FBXL17: variants seen among roughly 807,000 people sequenced by gnomAD.
The protein encoded by FBXL17 is F-box/LRR-repeat protein 17.
In FBXL17, 22 loss-of-function variants were observed where a neutral mutation model predicts 66.2. That is an observed-to-expected ratio of 0.33 (90% CI 0.24 to 0.47). FBXL17 has a LOEUF of 0.47. Ranked by LOEUF, FBXL17 falls within the 20% of genes least tolerant of loss-of-function variation. The pLI, the probability that FBXL17 is intolerant of heterozygous loss-of-function variation, is 1.00. For missense variants in FBXL17, 878 were observed against 948.2 expected (o/e 0.93, Z 0.97); for synonymous variants, 474 against 400.5 (o/e 1.18, Z -2.19).
intron 5 of FBXL17, among the ~76,000 whole-genome samples, chr5:108,212,595 G>T (rs1180839259): frequency 6.6e-6 from 1 of 152,176 alleles, no homozygotes; most frequent in African/African-American, 2.4e-5. Flanking sequence ...GCTGGAGTCT[G>T]CTGGTGGTCC....
intron 4 of FBXL17, among the ~76,000 whole-genome samples, chr5:108,294,292 A>AATATATATAT (rs1314202083): frequency 2.7e-5 from 4 of 145,866 alleles, no homozygotes; most frequent in African/African-American, 1.0e-4. Context: ...GAAAAAAAAA[A>AATATATATAT]ATATATATAT....
At chr5:107,953,261 G>A (rs963828892) in intron 7 of FBXL17, among the ~76,000 whole-genome samples, 4 of 151,902 alleles carry the variant, frequency 2.6e-5, no homozygotes, top group African/African-American at 4.8e-5. Flanking sequence ...AAAATTAGCC[G>A]GGCGTGCTGG....
At chr5:108,025,715 A>G (rs1395391898) in intron 6 of FBXL17, among the ~76,000 whole-genome samples, 67 of 119,524 alleles carry the variant, frequency 5.6e-4, no homozygotes, top group Middle Eastern at 4.2e-3. Context: ...ACACACACAC[A>G]CACGCGCGCG....
intron 5 of FBXL17, among the ~76,000 whole-genome samples, chr5:108,199,007 C>T (rs928632975): frequency 6.6e-6 from 1 of 151,986 alleles, no homozygotes; most frequent in African/African-American, 2.4e-5. Flanking sequence ...CTTTCTGAAA[C>T]AAAGAAATGT....
chr5:108,126,642 T>C (rs1471965426), intron 6 of FBXL17, among the ~76,000 whole-genome samples: 1 of 74,624 alleles, frequency 1.3e-5, no homozygotes, highest in Non-Finnish European at 2.7e-5. Context: ...TCTCTCTCTC[T>C]CTCTCTCTCT....
chr5:108,372,852 G>A lies in FBXL17; in HGVS notation c.994-4899C>T, dbSNP rs551174903. 9.9e-5 allele frequency among the ~76,000 whole-genome samples: 15 copies of A among 152,178 alleles called. No individual in the cohort carries two copies. In the South Asian group the frequency reaches 1.9e-3, roughly 19 times the overall value. ...GAACTAAAGGATACCAGTAATTGTT[G>A]GTATTTACATAGGTAAATATAAAAG... On this transcript the variant is annotated intron_variant, in intron 1 of 8. Transcript: ENST00000542267.
At chr5:108,093,085 C>T (rs34415) in intron 6 of FBXL17, among the ~76,000 whole-genome samples, 22,413 of 152,012 alleles carry the variant, frequency 0.15, 2,231 homozygotes, top group South Asian at 0.41. Flanking sequence ...TTTTTCACCA[C>T]TCTATCCCTC....
At chr5:108,292,833 C>G (rs1053899110) in intron 4 of FBXL17, among the ~76,000 whole-genome samples, 1 of 152,106 alleles carries the variant, frequency 6.6e-6, no homozygotes, top group Non-Finnish European at 1.5e-5. Context: ...GGCGTGGTGG[C>G]TTACGCCTGT....
At chr5:107,993,777 G>C (rs1753358413) in intron 7 of FBXL17, among the ~76,000 whole-genome samples, 1 of 152,018 alleles carries the variant, frequency 6.6e-6, no homozygotes, top group Non-Finnish European at 1.5e-5. Context: ...TGGTATCATG[G>C]TGCTAGCCCC....
rs1749910688 is a variant in FBXL17, at chr5:108,381,419, G to T, written c.273C>A (p.Tyr91Ter). The T allele has an allele frequency of 7.6e-7, 1 of 1,322,422 alleles. No individual in the cohort carries two copies. 81.9% of individuals were successfully genotyped at this position (1,322,422 alleles called of 1,614,324 possible). ...PLSPPPRDGA[Y>*]AAASSSQHLA... ...GGTGCTGAGAGGAGGAGGCGGCAGC[G>T]TAGGCCCCGTCCCGCGGCGGCGGCG... Residue 91 changes from tyrosine (Y) to a stop codon, truncating the protein, a stop_gained, in exon 1 of 9, where the codon TAC (tyrosine) becomes TAA (stop). Transcript: ENST00000542267. LOFTEE classifies it high-confidence loss of function.
intron 6 of FBXL17, among the ~76,000 whole-genome samples, chr5:108,028,682 T>C (rs1477704357): frequency 6.6e-6 from 1 of 152,136 alleles, no homozygotes; most frequent in Non-Finnish European, 1.5e-5. Context: ...ATGACCTGTG[T>C]AGCCAAGGAG....
intron 7 of FBXL17, among the ~76,000 whole-genome samples, chr5:107,986,286 T>G (rs1580288345): frequency 6.6e-6 from 1 of 152,054 alleles, no homozygotes; most frequent in African/African-American, 2.4e-5. Context: ...AATAAACAAT[T>G]ATTCTAATAG....
chr5:108,150,326 C>T (rs941777397), intron 6 of FBXL17, among the ~76,000 whole-genome samples: 7 of 152,138 alleles, frequency 4.6e-5, no homozygotes, highest in Admixed American at 4.6e-4. Context: ...ACCTCAGCCA[C>T]CCCAGTAGCT....
intron 7 of FBXL17, among the ~76,000 whole-genome samples, chr5:107,958,249 A>G (rs759485304): frequency 2.8e-4 from 42 of 152,158 alleles, no homozygotes; most frequent in Admixed American, 4.6e-4. Flanking sequence ...GTGAAGATAT[A>G]AAACTGCTTC....
intron 6 of FBXL17, among the ~76,000 whole-genome samples, chr5:108,096,938 T>TG (rs1749391201): frequency 6.6e-6 from 1 of 152,182 alleles, no homozygotes; most frequent in African/African-American, 2.4e-5. Flanking sequence ...GGCACATGCA[T>TG]GGGGCATTTA....
chr5:108,022,150 C>T (rs950638058), intron 6 of FBXL17, among the ~76,000 whole-genome samples: 6 of 151,744 alleles, frequency 4.0e-5, no homozygotes, highest in African/African-American at 1.4e-4. Context: ...GAATGATAAA[C>T]ATTTCAAATT....
chr5:107,998,230 G>C (rs1753559875), intron 7 of FBXL17, among the ~76,000 whole-genome samples: 1 of 152,056 alleles, frequency 6.6e-6, no homozygotes, highest in Non-Finnish European at 1.5e-5. Flanking sequence ...TGTTTTCAAT[G>C]TGGCTACTAG....
intron 3 of FBXL17, among the ~76,000 whole-genome samples, chr5:108,363,859 T>C (rs948900344): frequency 5.6e-4 from 85 of 152,000 alleles, no homozygotes; most frequent in African/African-American, 2.0e-3. Context: ...AATAAAATCA[T>C]GCTATATACA....
At chr5:108,101,169 T>C (rs960808639) in intron 6 of FBXL17, among the ~76,000 whole-genome samples, 3 of 152,358 alleles carry the variant, frequency 2.0e-5, no homozygotes, top group Middle Eastern at 3.4e-3. Flanking sequence ...AGGAGAGGCA[T>C]TGAAGAACCT....
Sources: gnomAD v4.1 joint callset for allele counts (sites outside exome capture counted in the v4.1 genomes callset) on GRCh38, gnomAD v4.1.1 for gene constraint, MANE v1.5 for transcripts, NCBI Gene and HGNC (gene_info 2026-07-23, HGNC 2026-07-21) for gene names.